Variants in ABCA13 observed in about 807,000 individuals in gnomAD.
ABCA13 encodes the protein ATP-binding cassette sub-family A member 13.
A neutral mutation model predicts 478.7 loss-of-function variants in ABCA13; 476 were observed. That is an observed-to-expected ratio of 0.99 (90% CI 0.92 to 1.07). ABCA13 has a LOEUF of 1.07. ABCA13 is among the 50% of genes least tolerant of loss of function. ABCA13 has a pLI of 0.00. For missense variants in ABCA13, 6,060 were observed against 5,910.6 expected, an observed-to-expected ratio of 1.03 and a Z score of -0.83; for synonymous variants, 2,252 against 2,158.9, an observed-to-expected ratio of 1.04 and a Z score of -1.20.
intron 14 of ABCA13, among the ~76,000 whole-genome samples, 168 bp from the exon 15 acceptor site, chr7:48,249,044 G>A (rs1424120053): frequency 1.3e-5 from 2 of 151,944 alleles, no homozygotes; most frequent in African/African-American, 4.8e-5. Flanking sequence ...AGAGGAGTTT[G>A]TAAACAAACT....
intron 58 of ABCA13, among the ~76,000 whole-genome samples, chr7:48,605,517 A>G (rs6966120): frequency 6.6e-6 from 1 of 152,068 alleles, no homozygotes; most frequent in Non-Finnish European, 1.5e-5. Flanking sequence ...AATTCTGTAC[A>G]TTAAGAATGC....
At chr7:48,566,626 C>T (rs1787096944) in intron 55 of ABCA13, among the ~76,000 whole-genome samples, 1 of 152,100 alleles carries the variant, frequency 6.6e-6, no homozygotes, top group South Asian at 2.1e-4. Flanking sequence ...ATCATATGAC[C>T]TCCTTTTGTA....
chr7:48,499,610 A>G (rs1266906818), intron 48 of ABCA13, among the ~76,000 whole-genome samples: 4 of 152,238 alleles, frequency 2.6e-5, no homozygotes, highest in East Asian at 1.9e-4. Context: ...GTACATTCAT[A>G]CATTGCTGTG....
In ABCA13 at chr7:48,490,523, G is replaced by A. The variant is rs145461674; in HGVS notation, c.13291+1179G>A. Among the ~76,000 whole-genome samples, 3 of 152,282 alleles carry A rather than the reference G, an allele frequency of 2.0e-5. No individual in the cohort carries two copies. The East Asian group carries it at 5.8e-4, about 29-fold the overall frequency. On this transcript the variant is annotated intron_variant, in intron 48 of 61. Coordinates refer to ENST00000435803, the MANE Select transcript of ABCA13 (RefSeq NM_152701.5). The stretch of plus-strand genomic sequence containing the variant: ...TACATCAAACTGAGATGTCATTCTG[G>A]TGGGCATGAATACAGCATGGTTCAC...
At chr7:48,593,694 G>A (rs1206861797) in intron 57 of ABCA13, among the ~76,000 whole-genome samples, 1 of 149,034 alleles carries the variant, frequency 6.7e-6, no homozygotes, top group Non-Finnish European at 1.5e-5. Flanking sequence ...CAGGTATTGT[G>A]TCAATGAACT....
At chr7:48,585,814 A>G (rs964738699) in intron 56 of ABCA13, among the ~76,000 whole-genome samples, 1 of 152,186 alleles carries the variant, frequency 6.6e-6, no homozygotes, top group Admixed American at 6.5e-5. Context: ...CTATATTAAT[A>G]CTTCTATGGT....
At chr7:48,491,369 A>G (rs1170142189) in intron 48 of ABCA13, among the ~76,000 whole-genome samples, 1 of 152,208 alleles carries the variant, frequency 6.6e-6, no homozygotes, top group Admixed American at 6.5e-5. Flanking sequence ...GGAAGAGGAC[A>G]AAGGTTCTGT....
chr7:48,471,705 A>G, intron 45 of ABCA13, 106 bp downstream of exon 45: 1 of 1,082,354 alleles, frequency 9.2e-7, no homozygotes, highest in Non-Finnish European at 1.3e-6. Flanking sequence ...TGTCTTTATA[A>G]CTTTTTGGTT....
intron 27 of ABCA13, among the ~76,000 whole-genome samples, chr7:48,333,799 G>C (rs182960635): frequency 2.0e-5 from 3 of 152,184 alleles, no homozygotes; most frequent in Admixed American, 6.5e-5. Flanking sequence ...CTTCTTAGGA[G>C]CCCAGGTCTT....
At chr7:48,473,785 T>A (rs1827778213) in intron 45 of ABCA13, among the ~76,000 whole-genome samples, 1 of 152,220 alleles carries the variant, frequency 6.6e-6, no homozygotes, top group African/African-American at 2.4e-5. Flanking sequence ...GGAGCTCACA[T>A]TCCTCAGATA....
At chr7:48,627,643 C>T (rs182251480) in intron 59 of ABCA13, among the ~76,000 whole-genome samples, 10 of 152,248 alleles carry the variant, frequency 6.6e-5, no homozygotes, top group Non-Finnish European at 1.2e-4. Flanking sequence ...TTCTCACCTG[C>T]GTTAATCCAT....
At chr7:48,217,508 C>T (rs904138341) in intron 3 of ABCA13, among the ~76,000 whole-genome samples, 2 of 152,168 alleles carry the variant, frequency 1.3e-5, no homozygotes, top group East Asian at 3.8e-4. Flanking sequence ...ATGATCCTCA[C>T]ACCACCCTAT....
At chr7:48,450,462 T>G (rs1824853957) in intron 42 of ABCA13, among the ~76,000 whole-genome samples, 1 of 152,214 alleles carries the variant, frequency 6.6e-6, no homozygotes, top group South Asian at 2.1e-4. Flanking sequence ...TTATACCACC[T>G]TCGCTTTTTA....
At chr7:48,231,557 G>A (rs571562581) in intron 7 of ABCA13, among the ~76,000 whole-genome samples, 1 of 152,258 alleles carries the variant, frequency 6.6e-6, no homozygotes, top group African/African-American at 2.4e-5. Flanking sequence ...CTCCTGGGCC[G>A]GTGTGAGGAG....
chr7:48,335,132 G>A (rs564782673), intron 27 of ABCA13, among the ~76,000 whole-genome samples: 1 of 152,180 alleles, frequency 6.6e-6, no homozygotes, highest in African/African-American at 2.4e-5. Context: ...GATTAATTTG[G>A]TCAGTATATA....
chr7:48,209,079 G>A (rs912710700), intron 3 of ABCA13, among the ~76,000 whole-genome samples: 2 of 151,930 alleles, frequency 1.3e-5, no homozygotes, highest in Admixed American at 6.6e-5. Flanking sequence ...TTTGTCCTTT[G>A]TCTTTTGATG....
intron 32 of ABCA13, among the ~76,000 whole-genome samples, chr7:48,368,412 G>A (rs527654535): frequency 2.6e-5 from 4 of 151,788 alleles, no homozygotes; most frequent in South Asian, 2.1e-4. Flanking sequence ...CCCATCACCC[G>A]AGCAGTGTAC....
intron 8 of ABCA13, chr7:48,234,364 G>A: frequency 1.6e-6 from 1 of 614,552 alleles, no homozygotes; most frequent in South Asian, 1.8e-5. Flanking sequence ...TTTTATCCCA[G>A]AATGGAAAGG....
intron 55 of ABCA13, among the ~76,000 whole-genome samples, chr7:48,548,182 A>G (rs541509407): frequency 1.3e-5 from 2 of 152,058 alleles, no homozygotes; most frequent in East Asian, 3.9e-4. Flanking sequence ...TCACTGGAAA[A>G]TATTGTTTAT....
Sources: allele counts gnomAD v4.1 joint callset (sites outside exome capture counted in the v4.1 genomes callset), GRCh38; gene constraint gnomAD v4.1.1; transcripts MANE v1.5; gene names NCBI Gene and HGNC (gene_info 2026-07-23, HGNC 2026-07-21).